TVP23A: variants seen among roughly 807,000 people sequenced by gnomAD.
TVP23A encodes Golgi apparatus membrane protein TVP23 homolog A.
TVP23A carries 21 observed loss-of-function variants against 31.7 expected under a neutral mutation model. That is an observed-to-expected ratio of 0.66 (90% confidence interval 0.47 to 0.95). TVP23A has a LOEUF of 0.95. Among genes scored for constraint, TVP23A ranks in the 40% least tolerant of loss-of-function variants. The pLI, the probability that TVP23A is intolerant of heterozygous loss-of-function variation, is 0.00. For missense variants in TVP23A, 279 were observed against 255.6 expected (o/e 1.09, Z -0.62); for synonymous variants, 104 against 96.0 (o/e 1.08, Z -0.49).
chr16:10,806,510 T>A (rs2033952754), intron 2 of TVP23A, among the ~76,000 whole-genome samples: 1 of 152,156 alleles, frequency 6.6e-6, no homozygotes, highest in Non-Finnish European at 1.5e-5. Context: ...GTTTTTTATT[T>A]TATTTTATTT....
downstream of TVP23A, chr16:10,757,898 T>A: frequency 6.2e-7 from 1 of 1,613,716 alleles, no homozygotes; most frequent in Non-Finnish European, 8.5e-7. The surrounding 1 kb of genome is among the most constrained non-coding windows in gnomAD (Gnocchi z 4.1). Flanking sequence ...TCCTCCGAGA[T>A]GTGGACTGGG....
intron 2 of TVP23A, among the ~76,000 whole-genome samples, chr16:10,780,452 G>A (rs1320966452): frequency 6.6e-6 from 1 of 152,142 alleles, no homozygotes; most frequent in Admixed American, 6.5e-5. Context: ...TCACATTCCA[G>A]CCTTTGTATA....
At chr16:10,796,371 GA>G (rs2033388129) in intron 2 of TVP23A, among the ~76,000 whole-genome samples, 1 of 152,074 alleles carries the variant, frequency 6.6e-6, no homozygotes, top group Admixed American at 6.6e-5. Flanking sequence ...AGATAAGAAA[GA>G]GAGAGCGAGA....
intron 2 of TVP23A, among the ~76,000 whole-genome samples, chr16:10,781,097 G>A (rs1596515136): frequency 6.6e-6 from 1 of 152,112 alleles, no homozygotes; most frequent in Admixed American, 6.6e-5. Flanking sequence ...GGGAGGCAGA[G>A]GTGGGCAGAT....
rs1034651639 is a variant in TVP23A, at chr16:10,818,650, C to T, written c.-157G>A. ...CTGTGGGGCAGCCTCAGCGCAGCTT[C>T]TCGGGTGGGGCGGGGCGCTCGGGGC... On this transcript the variant is annotated 5_prime_UTR_variant, in exon 1 of 8. Transcript: ENST00000299866. The surrounding 1 kb of genome is among the most constrained non-coding windows in gnomAD (Gnocchi z 4.7). The T allele has an allele frequency of 7.3e-5, 69 of 940,526 alleles. No homozygotes were observed. Among genetic ancestry groups the T allele is most frequent in the Non-Finnish European group, 9.6e-5 (65 of 676,940 alleles). 58.3% of individuals were successfully genotyped at this position (940,526 alleles called of 1,614,324 possible).
chr16:10,797,155 C>T (rs2033433158), intron 2 of TVP23A, among the ~76,000 whole-genome samples: 1 of 151,332 alleles, frequency 6.6e-6, no homozygotes, highest in African/African-American at 2.4e-5. Context: ...TGCCACTGTA[C>T]TCCAGACTGG....
downstream of TVP23A, chr16:10,761,085 C>T (rs951776051): frequency 1.6e-5 from 5 of 316,058 alleles, no homozygotes; most frequent in African/African-American, 4.3e-5. Context: ...CATCAGATCT[C>T]GTGAAAACTC....
rs558344170 is a variant in TVP23A, at chr16:10,806,396, C to T, written c.89+11707G>A. On this transcript the variant is annotated intron_variant, in intron 2 of 7. Transcript: ENST00000299866. ...CTCTAGGTCCATGCAGTCAAGCTGC[C>T]GTCCAAGATAAAACATCAAAGAACC... Among the ~76,000 whole-genome samples the T allele has an allele frequency of 8.1e-4, 124 of 152,272 alleles. 1 individual carries two copies. The highest frequency in any genetic ancestry group is 2.9e-3 in the African/African-American group (121 of 41,554).
intron 2 of TVP23A, among the ~76,000 whole-genome samples, chr16:10,811,200 G>T (rs959569675): frequency 6.6e-6 from 1 of 152,168 alleles, no homozygotes; most frequent in Non-Finnish European, 1.5e-5. Flanking sequence ...CCTTGTGAAT[G>T]TATCAAAATC....
chr16:10,762,922 C>T (rs1053051612), downstream of TVP23A, among the ~76,000 whole-genome samples: 7 of 149,450 alleles, frequency 4.7e-5, no homozygotes, highest in Admixed American at 3.3e-4. Flanking sequence ...CTGTGGGAAA[C>T]GACTGTCAGT....
chr16:10,773,275 G>A (rs1265501023), intron 5 of TVP23A, 38 bp downstream of exon 5: 1 of 1,549,252 alleles, frequency 6.5e-7, no homozygotes. Context: ...TTTTTGCAGA[G>A]ACATCAAAGC....
At chr16:10,787,077 G>T (rs1398239835) in intron 2 of TVP23A, among the ~76,000 whole-genome samples, 2 of 152,124 alleles carry the variant, frequency 1.3e-5, no homozygotes, top group African/African-American at 4.8e-5. Flanking sequence ...ACCCCTCTCT[G>T]AAGTACAAAT....
At chr16:10,772,078 G>C (rs547269760) in intron 5 of TVP23A, among the ~76,000 whole-genome samples, 1 of 152,300 alleles carries the variant, frequency 6.6e-6, no homozygotes, top group East Asian at 1.9e-4. Flanking sequence ...AGCATTTACA[G>C]AAATGCACCT....
rs1438545015 is a variant in TVP23A, at chr16:10,767,152, G to T, written c.*1950C>A. 2.5e-6 allele frequency: 1 copy of T among 399,248 alleles called. No individual in the cohort carries two copies. Among genetic ancestry groups the T allele is most frequent in the Non-Finnish European group, 4.4e-6 (1 of 226,680 alleles). The allele number at this position is 399,248 out of a possible 1,614,324, so 24.7% of individuals were successfully genotyped here. A position where few individuals can be genotyped will look rare whatever the true frequency, so the allele number is the denominator to read the frequency against. On this transcript the variant is annotated 3_prime_UTR_variant, in exon 8 of 8. Coordinates refer to ENST00000299866, the MANE Select transcript of TVP23A (RefSeq NM_001079512.4). This position sits in a 1 kb window ranked among gnomAD's most constrained non-coding sequence, Gnocchi z 4.6. ...ACTTGCCTGTTTCGCCAGCAGCTCA[G>T]GCCTGGGGAGTGGGCAGAGCAAGCT... is the stretch of plus-strand genomic sequence containing the variant.
At chr16:10,812,936 C>T (rs2034269220) in intron 2 of TVP23A, among the ~76,000 whole-genome samples, 1 of 152,012 alleles carries the variant, frequency 6.6e-6, no homozygotes, top group Non-Finnish European at 1.5e-5. Flanking sequence ...AAAAAGTTTG[C>T]CCACCGGGGA....
intron 2 of TVP23A, among the ~76,000 whole-genome samples, chr16:10,784,812 G>C (rs1166564732): frequency 6.6e-6 from 1 of 152,106 alleles, no homozygotes; most frequent in Non-Finnish European, 1.5e-5. Flanking sequence ...TCTAAAAACA[G>C]AGCCAGGTCC....
chr16:10,802,160 T>C (rs912100693), intron 2 of TVP23A, among the ~76,000 whole-genome samples: 2 of 150,886 alleles, frequency 1.3e-5, no homozygotes, highest in Non-Finnish European at 2.9e-5. Flanking sequence ...AGAAGCCAAC[T>C]GGAAGAGGCT....
At chr16:10,760,803 C>T, downstream of TVP23A, 1 of 152,312 alleles carries the variant, frequency 6.6e-6, no homozygotes, top group East Asian at 1.9e-4. Flanking sequence ...TAAATAGCAC[C>T]TCGAACAAAC....
chr16:10,760,648 G>C (rs886649674), downstream of TVP23A, among the ~76,000 whole-genome samples: 2 of 152,150 alleles, frequency 1.3e-5, no homozygotes, highest in African/African-American at 4.8e-5. Flanking sequence ...GAGGCAGGAG[G>C]ATTGCCTGAG....
Sources: allele counts gnomAD v4.1 joint callset (sites outside exome capture counted in the v4.1 genomes callset), GRCh38; gene constraint gnomAD v4.1.1; non-coding constraint Gnocchi (gnomAD v3.1); transcripts MANE v1.5; gene names NCBI Gene and HGNC (gene_info 2026-07-23, HGNC 2026-07-21).